SVOP: variants seen among roughly 807,000 people sequenced by gnomAD.
The protein encoded by SVOP is SV2 related protein.
In SVOP, 17 loss-of-function variants were observed where a neutral mutation model predicts 69.1. That is an observed-to-expected ratio of 0.25 (90% CI 0.17 to 0.37). The LOEUF (loss-of-function observed/expected upper bound fraction) is 0.37. SVOP is among the 10% of genes least tolerant of loss of function. SVOP has a pLI of 1.00. For synonymous variants in SVOP, 238 were observed against 238.6 expected (o/e 1.00, Z 0.02); for missense variants, 435 against 597.5 (o/e 0.73, Z 2.84).
At position 108,918,045 on chromosome 12, in the gene SVOP, C is replaced by G; in HGVS notation, c.1348G>C (p.Glu450Gln). ...GFQAAYVYTP[E>Q]VYPTATRALG... ...CAGCTCCCAGACACCCCTCCTACCTCAGGTGTGTAAACATATGCCGCTTGA... is the reference window on the plus strand; with the variant it reads ...CAGCTCCCAGACACCCCTCCTACCTGAGGTGTGTAAACATATGCCGCTTGA... The change falls in exon 14 of 16, where the codon GAG (glutamate) becomes CAG (glutamine). Residue 450 changes from glutamate (E) to glutamine (Q), a missense_variant and splice_region_variant. Transcript: ENST00000610966. 1 of 1,575,014 alleles carries G rather than the reference C, an allele frequency of 6.3e-7. No individual in the cohort carries two copies.
chr12:108,960,057 A>G (rs2040008972), intron 6 of SVOP, among the ~76,000 whole-genome samples: 1 of 152,240 alleles, frequency 6.6e-6, no homozygotes. Flanking sequence ...CACCTGCCAC[A>G]TAGTTAACAC....
chr12:108,988,819 C>T (rs1482288825), intron 1 of SVOP, among the ~76,000 whole-genome samples: 31 of 134,338 alleles, frequency 2.3e-4, no homozygotes, highest in African/African-American at 8.4e-4. Flanking sequence ...GACACCCAGG[C>T]TGGAGTGCAA....
At position 108,938,899 on chromosome 12, in the gene SVOP, G is replaced by A. The variant is rs368041602; in HGVS notation, c.825C>T (p.Ile275=). 239 of 1,613,986 alleles carry A rather than the reference G, an allele frequency of 1.5e-4. No individual in the cohort carries two copies. Among genetic ancestry groups the A allele is most frequent in the African/African-American group, 3.7e-4 (28 of 75,042 alleles). The part of the protein sequence containing the change: ...DVLSGNQEKA[I]ATLKRIATEN... ...CAGTTGCTATCCTCTTTAAGGTGGC[G>A]ATTGCCTTTTCCTGGTTCCCTGACA... Residue 275 remains isoleucine, a synonymous_variant, in exon 9 of 16, where the codon ATC becomes ATT. Coordinates refer to ENST00000610966, the MANE Select transcript of SVOP (RefSeq NM_018711.5).
chr12:108,931,702 C>T (rs71454758), intron 11 of SVOP, among the ~76,000 whole-genome samples: 6,895 of 152,152 alleles, frequency 0.045, 211 homozygotes, highest in Middle Eastern at 0.11. Context: ...GGCGTGATGG[C>T]GGTCGCCTGT....
At chr12:108,938,612 A>T (rs1196976374) in intron 9 of SVOP, among the ~76,000 whole-genome samples, 1 of 152,238 alleles carries the variant, frequency 6.6e-6, no homozygotes, top group Admixed American at 6.5e-5. Flanking sequence ...AAGCATTTTT[A>T]GAACTTGGAA....
rs933237530 is a variant in SVOP, at chr12:108,910,948, C to T, written c.*1587G>A. 2 of 152,240 alleles carry T rather than the reference C, an allele frequency of 1.3e-5. No homozygotes were observed. Among genetic ancestry groups the T allele is most frequent in the Non-Finnish European group, 2.9e-5 (2 of 68,048 alleles). 9.4% of individuals were successfully genotyped at this position (152,240 alleles called of 1,614,324 possible). On this transcript the variant is annotated 3_prime_UTR_variant, in exon 16 of 16. Coordinates refer to ENST00000610966, the MANE Select transcript of SVOP (RefSeq NM_018711.5). Reference sequence around the variant, plus strand: ...CAAATTGGCTTCCTTGCAATGTTTACTTCAAGCAGTAGGTCTGTCTGCTCT... The same window carrying T: ...CAAATTGGCTTCCTTGCAATGTTTATTTCAAGCAGTAGGTCTGTCTGCTCT...
chr12:108,918,914 G>T (rs138446697), intron 13 of SVOP, among the ~76,000 whole-genome samples: 1 of 152,226 alleles, frequency 6.6e-6, no homozygotes, highest in Non-Finnish European at 1.5e-5. Flanking sequence ...CTTTTATCCA[G>T]TTGTGAGGCA....
chr12:108,961,732 CA>C (rs1237550208), intron 5 of SVOP, among the ~76,000 whole-genome samples: 9 of 152,292 alleles, frequency 5.9e-5, no homozygotes, highest in East Asian at 5.8e-4. Context: ...TATTTACAAT[CA>C]GGGGCAGATA....
At chr12:108,976,513 G>A (rs547645124) in intron 4 of SVOP, among the ~76,000 whole-genome samples, 43 of 152,096 alleles carry the variant, frequency 2.8e-4, no homozygotes, top group African/African-American at 1.0e-3. Context: ...ATGCAATGTA[G>A]GTAAAGGCCT....
intron 15 of SVOP, among the ~76,000 whole-genome samples, chr12:108,913,250 G>A (rs2039696064): frequency 6.6e-6 from 1 of 151,976 alleles, no homozygotes; most frequent in African/African-American, 2.4e-5. Context: ...TAGTAGAGAT[G>A]GGGTTTCTCC....
intron 4 of SVOP, among the ~76,000 whole-genome samples, chr12:108,973,054 G>A (rs1311136077): frequency 1.3e-5 from 2 of 152,276 alleles, no homozygotes; most frequent in Non-Finnish European, 2.9e-5. Flanking sequence ...AACCTGCTCC[G>A]CCTCCCTGAA....
At position 108,953,569 on chromosome 12, in the gene SVOP, G is replaced by A. The variant is rs564270469; in HGVS notation, c.578+7354C>T. 3.9e-5 allele frequency among the ~76,000 whole-genome samples: 6 copies of A among 152,312 alleles called. No homozygotes were observed. In the South Asian group the frequency reaches 1.2e-3, roughly 32 times the overall value. On this transcript the variant is annotated intron_variant, in intron 6 of 15. Coordinates refer to ENST00000610966, the MANE Select transcript of SVOP (RefSeq NM_018711.5). ...TTATGAGTTGCTGCAATAGGATAAA[G>A]CTATTGTAAATTAATGGAAACTTTT... is the stretch of plus-strand genomic sequence containing the variant.
In SVOP at chr12:108,940,792, G is replaced by A; in HGVS notation, c.760C>T (p.Leu254=). Residue 254 remains leucine (L), a synonymous_variant, in exon 8 of 16, where the codon CTG becomes TTG. Transcript: ENST00000610966. ...SAVPLLLFAV[L]CFWLPESARY... ...TCTTAAAGGATACCTACGAAACACA[G>A]CACGGCAAAGAGGAGGAGCGGGACA... 2 of 1,537,174 alleles carry A rather than the reference G, an allele frequency of 1.3e-6. No homozygotes were observed. Among genetic ancestry groups the A allele is most frequent in the Non-Finnish European group, 1.7e-6 (2 of 1,146,874 alleles).
chr12:108,964,257 C>A (rs1315396952), intron 5 of SVOP, among the ~76,000 whole-genome samples: 1 of 151,954 alleles, frequency 6.6e-6, no homozygotes, highest in East Asian at 1.9e-4. Flanking sequence ...ATAGGTGGCA[C>A]AGGATTTACT....
At chr12:108,948,166 C>A (rs916523883) in intron 6 of SVOP, among the ~76,000 whole-genome samples, 2 of 152,170 alleles carry the variant, frequency 1.3e-5, no homozygotes, top group Non-Finnish European at 2.9e-5. Context: ...ACTCCCTTAG[C>A]TCCCTGTGTG....
intron 5 of SVOP, among the ~76,000 whole-genome samples, chr12:108,962,687 C>T (rs1399401167): frequency 2.0e-5 from 3 of 152,224 alleles, no homozygotes; most frequent in South Asian, 2.1e-4. Flanking sequence ...AACATGGGGC[C>T]GAGCACGGTG....
intron 12 of SVOP, among the ~76,000 whole-genome samples, chr12:108,922,026 G>C (rs562636303): frequency 4.6e-4 from 70 of 152,290 alleles, no homozygotes; most frequent in African/African-American, 1.6e-3. Context: ...ACACTCTACT[G>C]TTCCTTTCCA....
chr12:108,994,188 C>T (rs1383171113), intron 1 of SVOP, among the ~76,000 whole-genome samples: 1 of 152,266 alleles, frequency 6.6e-6, no homozygotes, highest in Non-Finnish European at 1.5e-5. Flanking sequence ...CAATAACTTA[C>T]GATACTGATC....
intron 11 of SVOP, chr12:108,926,452 C>T (rs2039780717): frequency 6.6e-6 from 1 of 152,144 alleles, no homozygotes; most frequent in Non-Finnish European, 1.5e-5. Context: ...TGGCATGCTT[C>T]ATCAATTTGC....
Sources: allele counts gnomAD v4.1 joint callset (sites outside exome capture counted in the v4.1 genomes callset), GRCh38; gene constraint gnomAD v4.1.1; transcripts MANE v1.5; gene names NCBI Gene and HGNC (gene_info 2026-07-23, HGNC 2026-07-21).